ROBO1: variants seen among roughly 807,000 people sequenced by gnomAD.
ROBO1 encodes roundabout guidance receptor 1, also known as roundabout homolog 1.
In ROBO1, 149 loss-of-function variants were observed where a neutral mutation model predicts 195.9. The ratio of observed to expected loss-of-function variants is 0.76; its 90% CI spans 0.67 to 0.87. The LOEUF is 0.87. Among genes scored for constraint, ROBO1 ranks in the 40% least tolerant of loss-of-function variants. The pLI, the probability that ROBO1 is intolerant of heterozygous loss-of-function variation, is 0.00. For synonymous variants in ROBO1, 816 were observed against 733.2 expected, an observed-to-expected ratio of 1.11 and a Z score of -1.82; for missense variants, 1,933 against 2,068.3, an observed-to-expected ratio of 0.93 and a Z score of 1.27.
At chr3:78,720,127 C>T (rs1164326854) in intron 5 of ROBO1, among the ~76,000 whole-genome samples, 2 of 152,106 alleles carry the variant, frequency 1.3e-5, no homozygotes, top group Non-Finnish European at 2.9e-5. Flanking sequence ...TTTAATTATG[C>T]TTCCAAGTGT....
chr3:79,011,642 A>AT (rs920600459), intron 3 of ROBO1, among the ~76,000 whole-genome samples: 1 of 149,018 alleles, frequency 6.7e-6, no homozygotes, highest in Admixed American at 6.7e-5. Flanking sequence ...TTTTATATAT[A>AT]TTTTTTTCAT....
chr3:79,209,759 G>A (rs1168657303), intron 2 of ROBO1, among the ~76,000 whole-genome samples: 1 of 152,004 alleles, frequency 6.6e-6, no homozygotes, highest in Non-Finnish European at 1.5e-5. Context: ...GTTGCTGTTT[G>A]CCCATGATAT....
At chr3:78,638,183 GTA>G (rs1002466274) in intron 22 of ROBO1, among the ~76,000 whole-genome samples, 8 of 143,358 alleles carry the variant, frequency 5.6e-5, no homozygotes, top group South Asian at 2.1e-4. Context: ...GTGTGTGTGT[GTA>G]TATATATGTG....
intron 25 of ROBO1, among the ~76,000 whole-genome samples, chr3:78,628,222 G>A (rs1704940501): frequency 6.6e-6 from 1 of 152,126 alleles, no homozygotes; most frequent in South Asian, 2.1e-4. Flanking sequence ...CCAAAGTGCT[G>A]GGATTACAGG....
At chr3:78,967,273 G>A (rs1560061391) in intron 3 of ROBO1, among the ~76,000 whole-genome samples, 1 of 152,048 alleles carries the variant, frequency 6.6e-6, no homozygotes, top group Non-Finnish European at 1.5e-5. Context: ...TTCTCATCAA[G>A]TCAGTCCTGT....
chr3:79,063,698 T>C (rs1467613453), intron 3 of ROBO1, among the ~76,000 whole-genome samples: 1 of 151,822 alleles, frequency 6.6e-6, no homozygotes, highest in Non-Finnish European at 1.5e-5. Context: ...ATGCCGCAGC[T>C]CCAGAGAGTT....
chr3:79,539,183 T>C (rs536530236), intron 2 of ROBO1, among the ~76,000 whole-genome samples: 1 of 152,298 alleles, frequency 6.6e-6, no homozygotes, highest in South Asian at 2.1e-4. Flanking sequence ...AGCCTGTCAA[T>C]ATATTCATGC....
rs188217728 is a variant in ROBO1 at position 78,720,953 on chromosome 3, G to A, written c.658-3070C>T. 5.2e-4 allele frequency among the ~76,000 whole-genome samples: 78 copies of A among 150,738 alleles called. 2 individuals carry two copies. In the East Asian group the frequency reaches 0.012, roughly 24 times the overall value. On this transcript the variant is annotated intron_variant, in intron 5 of 30. Coordinates refer to ENST00000464233, the MANE Select transcript of ROBO1 (RefSeq NM_002941.4). Reference sequence around the variant, plus strand: ...ACACTGGGACCTGTTGTGGGGTTGGGGGGGGGGCGGTGGAGGCATAGCATT... The same window carrying A: ...ACACTGGGACCTGTTGTGGGGTTGGAGGGGGGGCGGTGGAGGCATAGCATT...
chr3:78,681,195 A>G, intron 10 of ROBO1, among the ~76,000 whole-genome samples: 1 of 141,330 alleles, frequency 7.1e-6, no homozygotes, highest in Non-Finnish European at 1.5e-5. Context: ...GGGTGGGGGG[A>G]GTGGGGAGGG....
At chr3:78,657,396 C>T (rs1707106020) in intron 17 of ROBO1, 127 bp from the exon 18 acceptor site, 2 of 894,736 alleles carry the variant, frequency 2.2e-6, no homozygotes, top group Non-Finnish European at 3.2e-6. Context: ...AAGAAGTTTC[C>T]AAAGTCATTT....
intron 3 of ROBO1, among the ~76,000 whole-genome samples, chr3:79,024,118 T>C (rs562017907): frequency 1.3e-3 from 203 of 152,304 alleles, no homozygotes; most frequent in African/African-American, 4.6e-3. Context: ...GTAAGGCTTA[T>C]TAAGAAATAT....
intron 4 of ROBO1, among the ~76,000 whole-genome samples, chr3:78,911,554 G>A (rs2038240965): frequency 6.6e-6 from 1 of 152,008 alleles, no homozygotes; most frequent in Admixed American, 6.6e-5. Context: ...AGGAGAAATG[G>A]AAATAATGTC....
intron 2 of ROBO1, among the ~76,000 whole-genome samples, chr3:79,384,780 T>A (rs556322085): frequency 1.3e-5 from 2 of 152,058 alleles, no homozygotes; most frequent in African/African-American, 4.8e-5. Context: ...GTATCTCTGA[T>A]AATATTCATA....
chr3:78,806,549 A>G (rs893895409), intron 4 of ROBO1, among the ~76,000 whole-genome samples: 2 of 152,188 alleles, frequency 1.3e-5, no homozygotes, highest in Non-Finnish European at 2.9e-5. Context: ...TCAAGAGAAG[A>G]GACTGTAGAT....
chr3:79,528,294 T>C (rs918905814), intron 2 of ROBO1, among the ~76,000 whole-genome samples: 9 of 152,186 alleles, frequency 5.9e-5, no homozygotes, highest in Non-Finnish European at 1.2e-4. Flanking sequence ...TTTTCTTTTC[T>C]CCCTTGATTT....
chr3:78,815,517 C>T (rs1187888680), intron 4 of ROBO1, among the ~76,000 whole-genome samples: 4 of 152,082 alleles, frequency 2.6e-5, no homozygotes, highest in African/African-American at 9.7e-5. Context: ...AATTGTCTCC[C>T]ATTCTATGAA....
chr3:79,756,528 C>T (rs1392246829), intron 1 of ROBO1, among the ~76,000 whole-genome samples: 1 of 105,982 alleles, frequency 9.4e-6, no homozygotes, highest in Admixed American at 1.3e-4. Context: ...CCAGCCTGGG[C>T]AAAATGAGCG....
At chr3:78,873,131 A>C (rs1340614412) in intron 4 of ROBO1, among the ~76,000 whole-genome samples, 1 of 152,146 alleles carries the variant, frequency 6.6e-6, no homozygotes, top group African/African-American at 2.4e-5. Flanking sequence ...TCCCAAAAAC[A>C]GTCTTGGGGG....
chr3:79,265,729 G>T (rs992545214), intron 2 of ROBO1, among the ~76,000 whole-genome samples: 5 of 151,130 alleles, frequency 3.3e-5, no homozygotes, highest in African/African-American at 7.3e-5. Flanking sequence ...TATAATAGAA[G>T]TTTGTGTACT....
Sources: gnomAD v4.1 joint callset for allele counts (sites outside exome capture counted in the v4.1 genomes callset) on GRCh38, gnomAD v4.1.1 for gene constraint, MANE v1.5 for transcripts, NCBI Gene and HGNC (gene_info 2026-07-23, HGNC 2026-07-21) for gene names.